The following ACOX3 variants were observed in gnomAD, a reference collection of about 807,000 sequenced individuals.
ACOX3 encodes acyl-CoA oxidase 3, pristanoyl.
A neutral mutation model predicts 81.5 loss-of-function variants in ACOX3; 73 were observed. The ratio of observed to expected loss-of-function variants is 0.90; its 90% CI spans 0.74 to 1.09. The LOEUF is 1.09. Among genes scored for constraint, ACOX3 ranks in the 50% least tolerant of loss-of-function variants. ACOX3 has a pLI of 0.00. For synonymous variants in ACOX3, 387 were observed against 375.1 expected (o/e 1.03, Z -0.37); for missense variants, 947 against 928.0 (o/e 1.02, Z -0.27).
At position 8,389,314 on chromosome 4, in the gene ACOX3, T is replaced by G; in HGVS notation, c.1424-28A>C. 2 of 1,596,046 alleles carry G rather than the reference T, an allele frequency of 1.3e-6. No individual in the cohort carries two copies. The highest frequency in any genetic ancestry group is 1.7e-6 in the Non-Finnish European group (2 of 1,168,018). On this transcript the variant is annotated intron_variant, in intron 12 of 17. Transcript: ENST00000356406. This position sits in a 1 kb window ranked among gnomAD's most constrained non-coding sequence, Gnocchi z 5.3. Reference sequence around the variant, plus strand: ...AGGACACACATTCCAGTGACTTTGGTGGAAGACAGGAACCCAAACCATTGG... The same window carrying G: ...AGGACACACATTCCAGTGACTTTGGGGGAAGACAGGAACCCAAACCATTGG...
Position 8,406,492 on chromosome 4 carries a change from A to G in ACOX3, c.688-449T>C, listed in dbSNP as rs562104084. On this transcript the variant is annotated intron_variant, in intron 6 of 17. Transcript: ENST00000356406. This position sits in a 1 kb window ranked among gnomAD's most constrained non-coding sequence, Gnocchi z 5.6. ...ATAAAGACACAAGACAAAGAGATAA[A>G]AGAAAAGACGGCTGGGTCCGGGGGA... Among the ~76,000 whole-genome samples the G allele has an allele frequency of 2.8e-3, 420 of 152,268 alleles. 1 individual carries two copies. The highest frequency in any genetic ancestry group is 9.7e-3 in the African/African-American group (404 of 41,570).
rs1001938665 is a variant in ACOX3, at chr4:8,419,829, C to T, written c.-14-3294G>A. 2.6e-5 allele frequency among the ~76,000 whole-genome samples: 4 copies of T among 152,206 alleles called. No homozygotes were observed. The highest frequency in any genetic ancestry group is 4.8e-5 in the African/African-American group (2 of 41,430). On this transcript the variant is annotated intron_variant, in intron 1 of 17. Coordinates refer to ENST00000356406, the MANE Select transcript of ACOX3 (RefSeq NM_003501.3). This position sits in a 1 kb window ranked among gnomAD's most constrained non-coding sequence, Gnocchi z 4.2. ...TCGCCTCCTGCACCCCAGTTCCACA[C>T]TGCCAGTCACCCAAGGATTACTGGA...
chr4:8,422,760 G>C (rs77284578), intron 1 of ACOX3, among the ~76,000 whole-genome samples: 4,867 of 152,334 alleles, frequency 0.032, 89 homozygotes, highest in African/African-American at 0.044. Context: ...AATTGGGGGA[G>C]GAGAGCATCT....
In ACOX3 at chr4:8,430,856, C is replaced by T. The variant is rs1199055142; in HGVS notation, c.-15+9792G>A. Among the ~76,000 whole-genome samples, 1 of 152,042 alleles carries T rather than the reference C, an allele frequency of 6.6e-6. No individual in the cohort carries two copies. Among genetic ancestry groups the T allele is most frequent in the Admixed American group, 6.5e-5 (1 of 15,270 alleles). On this transcript the variant is annotated intron_variant, in intron 1 of 17. Transcript: ENST00000356406. This position sits in a 1 kb window ranked among gnomAD's most constrained non-coding sequence, Gnocchi z 5.2. ...GGGTGACAAGAGTGAAACTCCATCTCAAAAAATAAAAATAAAAATATCTTC... is the reference window on the plus strand; with the variant it reads ...GGGTGACAAGAGTGAAACTCCATCTTAAAAAATAAAAATAAAAATATCTTC...
rs1328310663 is a variant in ACOX3, at chr4:8,396,940, C to T, written c.1053G>A (p.Met351Ile). 2 of 1,610,436 alleles carry T rather than the reference C, an allele frequency of 1.2e-6. No homozygotes were observed. The highest frequency in any genetic ancestry group is 1.7e-6 in the Non-Finnish European group (2 of 1,178,810). Reference protein sequence around the residue: ...EEEIPVLEYPMQQWRLLPYLA... With the variant: ...EEEIPVLEYPIQQWRLLPYLA... ...AGGATGCTTGAAAACCTCATACCTG[C>T]ATTGGATACTCAAGCACTGGTATTT... The change falls in exon 9 of 18, where the codon ATG becomes ATA. Residue 351 changes from methionine to isoleucine, a missense_variant. Physicochemically the swap from Met to Ile is conservative, Grantham distance 10 (BLOSUM62 1). Coordinates refer to ENST00000356406, the MANE Select transcript of ACOX3 (RefSeq NM_003501.3).
In ACOX3 at chr4:8,373,555, G is replaced by A; in HGVS notation, c.1896+6C>T. 6.2e-7 allele frequency: 1 copy of A among 1,613,668 alleles called. No individual in the cohort carries two copies. Among genetic ancestry groups the A allele is most frequent in the South Asian group, 1.1e-5 (1 of 91,038 alleles). On this transcript the variant is annotated splice_donor_region_variant and intron_variant, in intron 16 of 17. Coordinates refer to ENST00000356406, the MANE Select transcript of ACOX3 (RefSeq NM_003501.3). ...TGTAGAGAACGCGACAGCACCCACGGCTCACCTGGGAACACAAAGCCAGGA... is the reference window on the plus strand; with the variant it reads ...TGTAGAGAACGCGACAGCACCCACGACTCACCTGGGAACACAAAGCCAGGA...
At chr4:8,367,738 G>C (rs753347621) in intron 17 of ACOX3, among the ~76,000 whole-genome samples, 6 of 133,302 alleles carry the variant, frequency 4.5e-5, no homozygotes, top group Non-Finnish European at 3.1e-5. Flanking sequence ...GGGAGGCTGA[G>C]GAAGGCAGAT....
At chr4:8,363,976 G>A (rs139377614), downstream of ACOX3, among the ~76,000 whole-genome samples, 2 of 152,274 alleles carry the variant, frequency 1.3e-5, no homozygotes, top group African/African-American at 2.4e-5. Flanking sequence ...CCTTGGGGCT[G>A]CTGTATGGAG....
At chr4:8,356,124 C>T in the ACOX3 span, 13 of 231,098 alleles carry the variant, frequency 5.6e-5, no homozygotes, top group East Asian at 6.4e-4. Flanking sequence ...GTCTGCAGGC[C>T]GGGCTTTGTT....
chr4:8,397,202 C>T lies in ACOX3; in HGVS notation c.874-83G>A, dbSNP rs532866282. 210 of 1,341,048 alleles carry T rather than the reference C, an allele frequency of 1.6e-4. 1 individual carries two copies. In the African/African-American group the frequency reaches 2.4e-3, roughly 15 times the overall value. The allele number at this position is 1,341,048 out of a possible 1,614,324, so 83.1% of individuals were successfully genotyped here. A position where few individuals can be genotyped will look rare whatever the true frequency, so the allele number is the denominator to read the frequency against. ...AGTGGCTCAGAGGCGAAGGTGCCCT[C>T]GTTTGTTCATCCAAAGTAGACCTGT... On this transcript the variant is annotated intron_variant, in intron 8 of 17. Coordinates refer to ENST00000356406, the MANE Select transcript of ACOX3 (RefSeq NM_003501.3).
intron 1 of ACOX3, among the ~76,000 whole-genome samples, chr4:8,424,391 C>T (rs1010241489): frequency 1.3e-5 from 2 of 152,198 alleles, no homozygotes; most frequent in Non-Finnish European, 2.9e-5. Context: ...ACAGAAAAAA[C>T]AGGAATAGCT....
At chr4:8,392,259 C>T in intron 11 of ACOX3, 74 bp downstream of exon 11, 1 of 1,366,230 alleles carries the variant, frequency 7.3e-7, no homozygotes, top group Non-Finnish European at 9.5e-7. Context: ...AGGCCGCAGT[C>T]TGCCGACCCC....
intron 5 of ACOX3, among the ~76,000 whole-genome samples, chr4:8,411,212 C>T (rs1721686862): frequency 6.6e-6 from 1 of 152,324 alleles, no homozygotes; most frequent in African/African-American, 2.4e-5. Context: ...TGCCCTGGGC[C>T]GCCTCGGGAG....
chr4:8,371,060 C>T, intron 16 of ACOX3, 66 bp from the exon 17 acceptor site: 2 of 1,496,572 alleles, frequency 1.3e-6, no homozygotes, highest in Non-Finnish European at 9.3e-7. Context: ...CAAAGCATAA[C>T]AGCCCCGTGT....
At chr4:8,402,618 A>G (rs1422613339) in intron 7 of ACOX3, among the ~76,000 whole-genome samples, 1 of 152,210 alleles carries the variant, frequency 6.6e-6, no homozygotes, top group Non-Finnish European at 1.5e-5. Context: ...ACGAATTCTC[A>G]GGGGATCCCT....
In ACOX3 at chr4:8,381,731, C is replaced by T. The variant is rs1717675645; in HGVS notation, c.1538-124G>A. 1 of 698,714 alleles carries T rather than the reference C, an allele frequency of 1.4e-6. No individual in the cohort carries two copies. Among genetic ancestry groups the T allele is most frequent in the Non-Finnish European group, 2.4e-6 (1 of 411,334 alleles). The allele number at this position is 698,714 out of a possible 1,614,324, so 43.3% of individuals were successfully genotyped here. A position where few individuals can be genotyped will look rare whatever the true frequency, so the allele number is the denominator to read the frequency against. On this transcript the variant is annotated intron_variant, in intron 13 of 17. Coordinates refer to ENST00000356406, the MANE Select transcript of ACOX3 (RefSeq NM_003501.3). The surrounding 1 kb of genome is among the most constrained non-coding windows in gnomAD (Gnocchi z 4.3). ...GTACCAGGTTGTCTTCATTGACAACCAAGTGTATGGGGTGGGTCTGATTTT... is the reference window on the plus strand; with the variant it reads ...GTACCAGGTTGTCTTCATTGACAACTAAGTGTATGGGGTGGGTCTGATTTT...
intron 1 of ACOX3, among the ~76,000 whole-genome samples, chr4:8,434,457 C>T (rs1724114578): frequency 6.6e-6 from 1 of 152,254 alleles, no homozygotes; most frequent in Non-Finnish European, 1.5e-5. Context: ...TTATGCCTGC[C>T]CTGTAGAGCA....
chr4:8,420,559 C>G (rs1018794362), intron 1 of ACOX3, among the ~76,000 whole-genome samples: 1 of 152,320 alleles, frequency 6.6e-6, no homozygotes, highest in African/African-American at 2.4e-5. Flanking sequence ...AATCACCTAT[C>G]CCCTGAGAGC....
chr4:8,379,612 T>G (rs1370718252), intron 14 of ACOX3, among the ~76,000 whole-genome samples: 1 of 152,008 alleles, frequency 6.6e-6, no homozygotes, highest in Non-Finnish European at 1.5e-5. Flanking sequence ...CGGGGTGTTG[T>G]GGGGTCACAC....
Sources: allele counts gnomAD v4.1 joint callset (sites outside exome capture counted in the v4.1 genomes callset), GRCh38; gene constraint gnomAD v4.1.1; non-coding constraint Gnocchi (gnomAD v3.1); transcripts MANE v1.5; gene names NCBI Gene and HGNC (gene_info 2026-07-23, HGNC 2026-07-21).